The following JAM3 variants were observed in gnomAD, a reference collection of about 807,000 sequenced individuals.
The protein encoded by JAM3 is junctional adhesion molecule C.
Under a neutral mutation model 39.4 loss-of-function variants are expected in JAM3, and 31 were observed. The ratio of observed to expected loss-of-function variants is 0.79; its 90% confidence interval spans 0.59 to 1.06. The LOEUF is 1.06. Among genes scored for constraint, JAM3 ranks in the 50% least tolerant of loss-of-function variants. JAM3 has a pLI of 0.00. For missense variants in JAM3, 455 were observed against 391.4 expected, an observed-to-expected ratio of 1.16 and a Z score of -1.37; for synonymous variants, 182 against 148.7, an observed-to-expected ratio of 1.22 and a Z score of -1.63.
At chr11:134,127,993 G>A (rs775344668) in intron 1 of JAM3, among the ~76,000 whole-genome samples, 35 of 151,932 alleles carry the variant, frequency 2.3e-4, no homozygotes, top group Non-Finnish European at 3.8e-4. Flanking sequence ...AGCACATATT[G>A]ACCCCCACTA....
chr11:134,118,061 C>T (rs1292008204), intron 1 of JAM3, among the ~76,000 whole-genome samples: 1 of 152,186 alleles, frequency 6.6e-6, no homozygotes, highest in Non-Finnish European at 1.5e-5. Flanking sequence ...GGACTGGGCT[C>T]ACACAGAAAG....
intron 1 of JAM3, among the ~76,000 whole-genome samples, chr11:134,115,323 C>G (rs1212770709): frequency 6.6e-6 from 1 of 152,016 alleles, no homozygotes; most frequent in Non-Finnish European, 1.5e-5. Flanking sequence ...ACAATATATG[C>G]CATTTAATTG....
Position 134,149,501 on chromosome 11 carries a change from AC to A in JAM3, c.*321del, listed in dbSNP as rs1943150641. 1 of 505,662 alleles carries A rather than the reference AC, an allele frequency of 2.0e-6. No individual in the cohort carries two copies. The highest frequency in any genetic ancestry group is 1.8e-5 in the South Asian group (1 of 56,498). The allele number at this position is 505,662 out of a possible 1,614,324, so 31.3% of individuals were successfully genotyped here. On this transcript the variant is annotated 3_prime_UTR_variant, in exon 9 of 9. Coordinates refer to ENST00000299106, the MANE Select transcript of JAM3 (RefSeq NM_032801.5). ...GATCTTAAAGAGTTTGCTCACGTAA[AC>A]GCCCGTGCTGGGCCCTGTGAAGCCA... is the stretch of plus-strand genomic sequence containing the variant.
Position 134,149,397 on chromosome 11 carries a change from A to C in JAM3, c.*216A>C, listed in dbSNP as rs767658801. The C allele has an allele frequency of 4.8e-6, 3 of 626,210 alleles. No individual in the cohort carries two copies. Among genetic ancestry groups the C allele is most frequent in the Non-Finnish European group, 8.5e-6 (3 of 352,344 alleles). 38.8% of individuals were successfully genotyped at this position (626,210 alleles called of 1,614,324 possible). A position where few individuals can be genotyped will look rare whatever the true frequency, so the allele number is the denominator to read the frequency against. On this transcript the variant is annotated 3_prime_UTR_variant, in exon 9 of 9. Transcript: ENST00000299106. ...AGATGGACCCGGTAAATATAACCACAAGGAAGCGAAACTGGGTGCGTTCAC... is the reference window on the plus strand; with the variant it reads ...AGATGGACCCGGTAAATATAACCACCAGGAAGCGAAACTGGGTGCGTTCAC...
Position 134,148,784 on chromosome 11 carries a change from C to A in JAM3, c.863C>A (p.Pro288Gln), listed in dbSNP as rs750578435. ...CATAGTTACAAGAACCCAGGGAAAC[C>A]AGATGGAGTTAACTACATCCGCACT... ...DGESYKNPGK[P>Q]DGVNYIRTDE... Residue 288 changes from proline (P) to glutamine (Q), a missense_variant, in exon 8 of 9, where the codon CCA becomes CAA. Transcript: ENST00000299106. The A allele has an allele frequency of 1.2e-6, 2 of 1,614,040 alleles. No homozygotes were observed. The highest frequency in any genetic ancestry group is 3.3e-5 in the Admixed American group (2 of 60,000).
At chr11:134,147,991 A>AG (rs993235687) in intron 6 of JAM3, 2 of 172,844 alleles carry the variant, frequency 1.2e-5, no homozygotes, top group African/African-American at 4.8e-5. Flanking sequence ...ACATGAGAAA[A>AG]GGGTTCCAGG....
At chr11:134,115,966 C>G (rs895470806) in intron 1 of JAM3, among the ~76,000 whole-genome samples, 11 of 152,138 alleles carry the variant, frequency 7.2e-5, no homozygotes, top group Admixed American at 3.3e-4. Context: ...CTCATCATAT[C>G]AAAGGGTATA....
At chr11:134,120,612 T>C (rs1396482214) in intron 1 of JAM3, among the ~76,000 whole-genome samples, 2 of 152,232 alleles carry the variant, frequency 1.3e-5, no homozygotes, top group Non-Finnish European at 2.9e-5. Context: ...CCCAGCATTC[T>C]GTTCATGAGT....
intron 1 of JAM3, among the ~76,000 whole-genome samples, chr11:134,088,516 A>G (rs1171810298): frequency 6.6e-6 from 1 of 152,218 alleles, no homozygotes; most frequent in Non-Finnish European, 1.5e-5. Flanking sequence ...ACGGAATACA[A>G]AATCTATTTT....
At chr11:134,117,505 G>A (rs1942459594) in intron 1 of JAM3, among the ~76,000 whole-genome samples, 1 of 152,248 alleles carries the variant, frequency 6.6e-6, no homozygotes, top group African/African-American at 2.4e-5. Flanking sequence ...CAGTAAAACT[G>A]ATGTGAACAT....
At chr11:134,119,416 A>G (rs897554450) in intron 1 of JAM3, among the ~76,000 whole-genome samples, 1 of 152,208 alleles carries the variant, frequency 6.6e-6, no homozygotes, top group Non-Finnish European at 1.5e-5. Flanking sequence ...TATACAGTGA[A>G]ATGACTTAAG....
intron 1 of JAM3, among the ~76,000 whole-genome samples, chr11:134,106,035 T>C (rs1052211191): frequency 1.1e-4 from 16 of 152,140 alleles, no homozygotes; most frequent in African/African-American, 3.9e-4. Flanking sequence ...GAGCCCACAT[T>C]GCCAAGTCAA....
chr11:134,144,452 G>A, intron 4 of JAM3, 59 bp downstream of exon 4: 1 of 1,593,452 alleles, frequency 6.3e-7, no homozygotes, highest in South Asian at 1.1e-5. Context: ...ATCAGTTAGT[G>A]TCTTGGTTTC....
chr11:134,114,564 C>G (rs2120742975), intron 1 of JAM3, among the ~76,000 whole-genome samples: 1 of 152,240 alleles, frequency 6.6e-6, no homozygotes, highest in Admixed American at 6.5e-5. Context: ...GGTACCAGGA[C>G]CAAGCTAAAA....
At chr11:134,123,284 C>T (rs751844982) in intron 1 of JAM3, among the ~76,000 whole-genome samples, 9 of 152,172 alleles carry the variant, frequency 5.9e-5, no homozygotes, top group South Asian at 2.1e-4. Context: ...CGTACATCTA[C>T]GGCAACAAGG....
rs763469878 is a variant in JAM3, at chr11:134,146,058, T to C, written c.712+13T>C. On this transcript the variant is annotated intron_variant, in intron 6 of 8. Transcript: ENST00000299106. The stretch of plus-strand genomic sequence containing the variant: ...GAGATGGAAGTCTGTGAGTTTCTTT[T>C]TTGAAGAGGTTTCATCGCAAGACTG... The C allele has an allele frequency of 6.5e-7, 1 of 1,547,878 alleles. No homozygotes were observed. The highest frequency in any genetic ancestry group is 1.1e-5 in the South Asian group (1 of 89,728).
rs146642120 is a variant in JAM3 at position 134,131,074 on chromosome 11, A to C, written c.77-8777A>C. On this transcript the variant is annotated intron_variant, in intron 1 of 8. Transcript: ENST00000299106. Reference sequence around the variant, plus strand: ...TGAAGGAAAATAGAAAGCTGTGATCATGTCAGGCAAGACACATGATCAGAA... The same window carrying C: ...TGAAGGAAAATAGAAAGCTGTGATCCTGTCAGGCAAGACACATGATCAGAA... Among the ~76,000 whole-genome samples, 42 of 152,284 alleles carry C rather than the reference A, an allele frequency of 2.8e-4. No individual in the cohort carries two copies. The East Asian group carries it at 4.6e-3, about 17-fold the overall frequency.
chr11:134,123,798 A>C, intron 1 of JAM3: 1 of 736,564 alleles, frequency 1.4e-6, no homozygotes, highest in East Asian at 2.5e-5. Context: ...TGCCACAATC[A>C]AGTGAGCCTT....
At chr11:134,140,824 G>C in intron 3 of JAM3, 54 bp downstream of exon 3, 29 of 1,572,258 alleles carry the variant, frequency 1.8e-5, no homozygotes, top group Non-Finnish European at 2.5e-5. Flanking sequence ...CATAGACCTG[G>C]GTATACACTC....
Sources: gnomAD v4.1 joint callset for allele counts (sites outside exome capture counted in the v4.1 genomes callset) on GRCh38, gnomAD v4.1.1 for gene constraint, MANE v1.5 for transcripts, NCBI Gene and HGNC (gene_info 2026-07-23, HGNC 2026-07-21) for gene names.